Variants in CFAP77 observed in about 807,000 individuals in gnomAD.
CFAP77 encodes cilia and flagella associated protein 77.
A neutral mutation model predicts 31.1 loss-of-function variants in CFAP77; 25 were observed. The observed-to-expected ratio is 0.80, with a 90% CI of 0.59 to 1.12. The LOEUF (loss-of-function observed/expected upper bound fraction) is 1.12, where lower values mean the gene tolerates loss of function less well. CFAP77 is among the 50% of genes most tolerant of loss of function. CFAP77 has a pLI of 0.00. For missense variants in CFAP77, 377 were observed against 397.3 expected (o/e 0.95, Z 0.44); for synonymous variants, 151 against 159.9 (o/e 0.94, Z 0.42).
At chr9:132,504,403 A>G (rs1038959754) in intron 3 of CFAP77, among the ~76,000 whole-genome samples, 1 of 152,250 alleles carries the variant, frequency 6.6e-6, no homozygotes, top group Non-Finnish European at 1.5e-5. Context: ...AGTGGCCACA[A>G]TTCCAGGGAA....
intron 1 of CFAP77, among the ~76,000 whole-genome samples, chr9:132,412,307 G>T (rs2131671361): frequency 6.6e-6 from 1 of 152,322 alleles, no homozygotes; most frequent in African/African-American, 2.4e-5. Context: ...GGAGCCTGGG[G>T]TTCTCTTCTT....
chr9:132,495,933 G>A lies in CFAP77; in HGVS notation c.196-2762G>A, dbSNP rs934177969. Among the ~76,000 whole-genome samples the A allele has an allele frequency of 2.0e-5, 3 of 152,178 alleles. No individual in the cohort carries two copies. The highest frequency in any genetic ancestry group is 7.2e-5 in the African/African-American group (3 of 41,438). ...TGGGTCTGTTGGTGTCTAGATCTTG[G>A]ACTTCCCAGCCTCCAGAACTTTGAG... On this transcript the variant is annotated intron_variant, in intron 1 of 5. Transcript: ENST00000393216. This position sits in a 1 kb window ranked among gnomAD's most constrained non-coding sequence, Gnocchi z 4.2.
Position 132,482,460 on chromosome 9 carries a change from A to G in CFAP77, c.196-16235A>G, listed in dbSNP as rs577714218. 2.4e-4 allele frequency: 365 copies of G among 1,515,012 alleles called. 5 individuals carry two copies. In the South Asian group the frequency reaches 4.0e-3, roughly 16 times the overall value. 93.8% of individuals were successfully genotyped at this position (1,515,012 alleles called of 1,614,324 possible). A position where few individuals can be genotyped will look rare whatever the true frequency, so the allele number is the denominator to read the frequency against. Reference sequence around the variant, plus strand: ...TAAAATAATGTCACCCTGGAGAAAAAGGGGAAAAGAGGGGCCCCTCCCGGC... The same window carrying G: ...TAAAATAATGTCACCCTGGAGAAAAGGGGGAAAAGAGGGGCCCCTCCCGGC... On this transcript the variant is annotated intron_variant, in intron 1 of 5. Coordinates refer to ENST00000393216, the MANE Select transcript of CFAP77 (RefSeq NM_001282957.2).
Position 132,554,207 on chromosome 9 carries a change from C to T in CFAP77, c.732+11160C>T. On this transcript the variant is annotated intron_variant, in intron 5 of 5. Coordinates refer to ENST00000393216, the MANE Select transcript of CFAP77 (RefSeq NM_001282957.2). The surrounding 1 kb of genome is among the most constrained non-coding windows in gnomAD (Gnocchi z 4.1). ...GTCATGCCTTCTGTTGTGGAAAAAACATGCTCGACGTGATGGAATGTGCTC... is the reference window on the plus strand; with the variant it reads ...GTCATGCCTTCTGTTGTGGAAAAAATATGCTCGACGTGATGGAATGTGCTC... Among the ~76,000 whole-genome samples, 1 of 152,212 alleles carries T rather than the reference C, an allele frequency of 6.6e-6. No homozygotes were observed. Among genetic ancestry groups the T allele is most frequent in the East Asian group, 1.9e-4 (1 of 5,198 alleles).
chr9:132,486,064 GTGTATA>G (rs1333548271), intron 1 of CFAP77, among the ~76,000 whole-genome samples: 2 of 18,374 alleles, frequency 1.1e-4, no homozygotes, highest in African/African-American at 1.7e-3. Context: ...ATGTGTGTGT[GTGTATA>G]TATATATATA....
Position 132,542,913 on chromosome 9 carries a change from A to G in CFAP77, c.631-33A>G, listed in dbSNP as rs1388230329. 2.6e-6 allele frequency: 4 copies of G among 1,557,420 alleles called. No homozygotes were observed. The East Asian group carries it at 9.0e-5, about 35-fold the overall frequency. ...ACGGCCTTCTCCAAGTAGCCGGGCA[A>G]CCATCTCACCTTTGCCTTTCCCTGG... On this transcript the variant is annotated intron_variant, in intron 4 of 5. Coordinates refer to ENST00000393216, the MANE Select transcript of CFAP77 (RefSeq NM_001282957.2).
chr9:132,433,538 G>A (rs1429371278), intron 1 of CFAP77, among the ~76,000 whole-genome samples: 1 of 141,934 alleles, frequency 7.0e-6, no homozygotes. Flanking sequence ...CTCCTCACGT[G>A]GCTATTCATT....
At position 132,499,287 on chromosome 9, in the gene CFAP77, G is replaced by C; in HGVS notation, c.296-85G>C. On this transcript the variant is annotated intron_variant, in intron 2 of 5. Coordinates refer to ENST00000393216, the MANE Select transcript of CFAP77 (RefSeq NM_001282957.2). This position sits in a 1 kb window ranked among gnomAD's most constrained non-coding sequence, Gnocchi z 5.4. ...GTAAATGGGAAGGCCGAGGACCCGC[G>C]TGCCCCCATTTCTTCTCGATCAGCT... 8.2e-7 allele frequency: 1 copy of C among 1,217,024 alleles called. No homozygotes were observed. The highest frequency in any genetic ancestry group is 1.2e-6 in the Non-Finnish European group (1 of 847,650). The allele number at this position is 1,217,024 out of a possible 1,614,324, so 75.4% of individuals were successfully genotyped here.
Position 132,499,057 on chromosome 9 carries a change from T to C in CFAP77, c.295+263T>C, listed in dbSNP as rs1161909675. Among the ~76,000 whole-genome samples the C allele has an allele frequency of 1.3e-5, 2 of 152,156 alleles. No individual in the cohort carries two copies. The highest frequency in any genetic ancestry group is 2.9e-5 in the Non-Finnish European group (2 of 68,014). ...CCCCTTCCCCGCCGCCGGCAGGGAC[T>C]GTGTGCACTATGCTGCTCACGTTAC... is the stretch of plus-strand genomic sequence containing the variant. On this transcript the variant is annotated intron_variant, in intron 2 of 5. Coordinates refer to ENST00000393216, the MANE Select transcript of CFAP77 (RefSeq NM_001282957.2). The surrounding 1 kb of genome is among the most constrained non-coding windows in gnomAD (Gnocchi z 5.4).
chr9:132,437,465 C>G (rs1850522567), intron 1 of CFAP77, among the ~76,000 whole-genome samples: 1 of 148,574 alleles, frequency 6.7e-6, no homozygotes, highest in South Asian at 2.1e-4. Flanking sequence ...CGTCCGAGGG[C>G]AGTGGGAAAA....
chr9:132,486,892 C>T (rs771473019), intron 1 of CFAP77, among the ~76,000 whole-genome samples: 3 of 152,266 alleles, frequency 2.0e-5, no homozygotes, highest in African/African-American at 4.8e-5. Context: ...CCGCCTCACA[C>T]GGCAAGGGCC....
At chr9:132,521,918 T>A (rs1012635824) in intron 3 of CFAP77, among the ~76,000 whole-genome samples, 1 of 152,028 alleles carries the variant, frequency 6.6e-6, no homozygotes, top group Admixed American at 6.6e-5. Flanking sequence ...CACGCCACCA[T>A]GCCGAACTAA....
chr9:132,429,582 T>C (rs186412990), intron 1 of CFAP77, among the ~76,000 whole-genome samples: 1,891 of 139,336 alleles, frequency 0.014, 28 homozygotes, highest in Admixed American at 0.028. Flanking sequence ...CAGTGGCTCA[T>C]GCCTGTAATC....
intron 3 of CFAP77, among the ~76,000 whole-genome samples, chr9:132,510,285 A>G (rs11792664): frequency 0.39 from 59,286 of 152,038 alleles, 11,900 homozygotes; most frequent in African/African-American, 0.47. Flanking sequence ...GCTGGGCCTC[A>G]CCCGTGTCAG....
intron 1 of CFAP77, among the ~76,000 whole-genome samples, chr9:132,438,519 GTATATATA>G (rs34631762): frequency 4.6e-4 from 54 of 116,676 alleles, no homozygotes; most frequent in African/African-American, 1.7e-3. Flanking sequence ...AACAGATATG[GTATATATA>G]TATATATATA....
rs113226727 is a variant in CFAP77, at chr9:132,554,939, CCCATCCATCCATCCATCCAT to C, written c.732+11923_732+11942del. ...ATGCATGCATGCATCCATCCATCCACCCATCCATCCATCCATCCATCCATCCATCCATCCATCCATCCATC... is the reference window on the plus strand; with the variant it reads ...ATGCATGCATGCATCCATCCATCCACCCATCCATCCATCCATCCATCCATC... On this transcript the variant is annotated intron_variant, in intron 5 of 5. Coordinates refer to ENST00000393216, the MANE Select transcript of CFAP77 (RefSeq NM_001282957.2). The surrounding 1 kb of genome is among the most constrained non-coding windows in gnomAD (Gnocchi z 4.1). Among the ~76,000 whole-genome samples the C allele has an allele frequency of 2.5e-4, 37 of 146,686 alleles. No individual in the cohort carries two copies. Among genetic ancestry groups the C allele is most frequent in the East Asian group, 6.2e-4 (3 of 4,864 alleles).
chr9:132,437,104 A>G (rs781676516), intron 1 of CFAP77, among the ~76,000 whole-genome samples: 59 of 152,154 alleles, frequency 3.9e-4, no homozygotes, highest in Non-Finnish European at 2.4e-4. Flanking sequence ...TGTCATGTGC[A>G]TGTAATACTA....
chr9:132,450,311 C>T (rs987862614), intron 1 of CFAP77, among the ~76,000 whole-genome samples: 1 of 148,880 alleles, frequency 6.7e-6, no homozygotes, highest in Non-Finnish European at 1.5e-5. Context: ...AGCAGGGAAA[C>T]AGGGAGAAGG....
intron 3 of CFAP77, among the ~76,000 whole-genome samples, chr9:132,529,966 C>A (rs1013484843): frequency 6.6e-6 from 1 of 151,942 alleles, no homozygotes; most frequent in Non-Finnish European, 1.5e-5. Flanking sequence ...GTCATTATGC[C>A]CTCTTATTTT....
Sources: gnomAD v4.1 joint callset for allele counts (sites outside exome capture counted in the v4.1 genomes callset) on GRCh38, gnomAD v4.1.1 for gene constraint, Gnocchi (gnomAD v3.1) non-coding constraint, MANE v1.5 for transcripts, NCBI Gene and HGNC (gene_info 2026-07-23, HGNC 2026-07-21) for gene names.